Variants in RNF4 observed in about 807,000 individuals in gnomAD.
RNF4 encodes E3 ubiquitin-protein ligase RNF4.
RNF4 carries 7 observed loss-of-function variants against 24.3 expected under a neutral mutation model. The ratio of observed to expected loss-of-function variants is 0.29; its 90% confidence interval spans 0.16 to 0.54. The LOEUF (loss-of-function observed/expected upper bound fraction) is 0.54, where lower values mean the gene tolerates loss of function less well. Among genes scored for constraint, RNF4 ranks in the 20% least tolerant of loss-of-function variants. The probability of loss-of-function intolerance (pLI) is 0.95; values close to 1 mark genes in which losing one functional copy is unlikely to be tolerated. For missense variants in RNF4, 209 were observed against 248.5 expected, an observed-to-expected ratio of 0.84 and a Z score of 1.07; for synonymous variants, 83 against 84.3, an observed-to-expected ratio of 0.98 and a Z score of 0.09.
chr4:2,475,961 C>T (rs1409095191), intron 1 of RNF4, among the ~76,000 whole-genome samples: 2 of 152,176 alleles, frequency 1.3e-5, no homozygotes, highest in African/African-American at 4.8e-5. Flanking sequence ...GGTGGGAAAG[C>T]ACATGGCCAA....
intron 2 of RNF4, among the ~76,000 whole-genome samples, chr4:2,494,297 C>CTGCTG (rs888943669): frequency 2.0e-5 from 3 of 151,376 alleles, no homozygotes; most frequent in African/African-American, 7.3e-5. Flanking sequence ...GTTTACTCTG[C>CTGCTG]TGCTGTATCC....
chr4:2,502,394 CAG>C (rs1339612310), intron 4 of RNF4, among the ~76,000 whole-genome samples: 1 of 152,096 alleles, frequency 6.6e-6, no homozygotes, highest in African/African-American at 2.4e-5. Context: ...GCTTTAGAAA[CAG>C]GGTCTCAGGC....
At chr4:2,473,928 T>C (rs1189019228) in intron 1 of RNF4, among the ~76,000 whole-genome samples, 1 of 152,012 alleles carries the variant, frequency 6.6e-6, no homozygotes, top group Non-Finnish European at 1.5e-5. Context: ...AAAAATTAGC[T>C]GAGCGTGGTA....
chr4:2,491,546 G>A (rs1466063071), intron 2 of RNF4, among the ~76,000 whole-genome samples: 1 of 152,016 alleles, frequency 6.6e-6, no homozygotes, highest in African/African-American at 2.4e-5. Context: ...AGGTTCAAGC[G>A]ACTCTCCTGC....
chr4:2,494,762 A>C (rs1315447957), intron 2 of RNF4: 1 of 152,408 alleles, frequency 6.6e-6, no homozygotes, highest in Non-Finnish European at 1.5e-5. Flanking sequence ...GGTAAAAATA[A>C]CCTTTAAATA....
rs1560395744 is a variant in RNF4, at chr4:2,469,184, T to TCCG, written c.-231_-229dup. The TCCG allele has an allele frequency of 6.6e-6, 1 of 152,198 alleles. No individual in the cohort carries two copies. The highest frequency in any genetic ancestry group is 2.4e-5 in the African/African-American group (1 of 41,448). The allele number at this position is 152,198 out of a possible 1,614,324, so 9.4% of individuals were successfully genotyped here. A position where few individuals can be genotyped will look rare whatever the true frequency, so the allele number is the denominator to read the frequency against. On this transcript the variant is annotated 5_prime_UTR_variant, in exon 1 of 8. Transcript: ENST00000314289. ...GGGCGGCTGAAGAAGGAGCTTCTTC[T>TCCG]CCGGAGTGCGCCGGCGGTGGCGCCT...
Position 2,490,404 on chromosome 4 carries a change from C to T in RNF4, c.-90C>T. On this transcript the variant is annotated 5_prime_UTR_variant, in exon 2 of 8. Coordinates refer to ENST00000314289, the MANE Select transcript of RNF4 (RefSeq NM_002938.5). The stretch of plus-strand genomic sequence containing the variant: ...GCAAGCCAGATGAGTAACCAGAGGG[C>T]ATGAAAGGTTGAGAACATTTGACTT... The T allele has an allele frequency of 1.5e-6, 2 of 1,306,942 alleles. No individual in the cohort carries two copies. Among genetic ancestry groups the T allele is most frequent in the Non-Finnish European group, 2.2e-6 (2 of 921,258 alleles). 81.0% of individuals were successfully genotyped at this position (1,306,942 alleles called of 1,614,324 possible).
At chr4:2,500,156 C>CAA (rs5855735) in intron 3 of RNF4, among the ~76,000 whole-genome samples, 60 of 76,900 alleles carry the variant, frequency 7.8e-4, no homozygotes, top group African/African-American at 7.5e-4. Flanking sequence ...GACTCTGTCT[C>CAA]AAAAAAAAAA....
intron 1 of RNF4, among the ~76,000 whole-genome samples, chr4:2,472,733 A>AT (rs1271260590): frequency 6.6e-6 from 1 of 152,104 alleles, no homozygotes; most frequent in African/African-American, 2.4e-5. Context: ...AGGATATACT[A>AT]TTCTAGATAC....
chr4:2,494,262 G>C (rs1460809375), intron 2 of RNF4, among the ~76,000 whole-genome samples: 1 of 152,070 alleles, frequency 6.6e-6, no homozygotes, highest in East Asian at 1.9e-4. Flanking sequence ...GAATAAAGGA[G>C]ACAGGGTTAT....
intron 1 of RNF4, among the ~76,000 whole-genome samples, chr4:2,472,165 C>T (rs994944049): frequency 1.4e-4 from 22 of 152,176 alleles, no homozygotes; most frequent in African/African-American, 3.9e-4. Flanking sequence ...ATTTACCATT[C>T]TGAAAATCCT....
chr4:2,476,789 A>T (rs1318981212), intron 1 of RNF4, among the ~76,000 whole-genome samples: 1 of 148,812 alleles, frequency 6.7e-6, no homozygotes, highest in African/African-American at 2.5e-5. Flanking sequence ...AGGTGCAATT[A>T]TATAGCACAG....
At position 2,513,086 on chromosome 4, in the gene RNF4, C is replaced by T. The variant is rs1578529020; in HGVS notation, c.378C>T (p.Pro126=). Residue 126 remains proline, a synonymous_variant, in exon 7 of 8, where the codon CCC becomes CCT. Transcript: ENST00000314289. ...ACGTGAAGCACTGTGCTCTTAGGCC[C>T]TCAGGTACTGTCAGTTGTCCCATCT... ...ARDEGATGLR[P]SGTVSCPICM... 1.2e-6 allele frequency: 2 copies of T among 1,613,826 alleles called. No individual in the cohort carries two copies. Among genetic ancestry groups the T allele is most frequent in the Non-Finnish European group, 1.7e-6 (2 of 1,179,756 alleles).
chr4:2,472,582 C>T (rs1474759347), intron 1 of RNF4, among the ~76,000 whole-genome samples: 1 of 145,476 alleles, frequency 6.9e-6, no homozygotes, highest in African/African-American at 2.6e-5. Context: ...TGAGACCACC[C>T]CCTCCACTGC....
At chr4:2,500,409 A>G (rs1735873826) in intron 3 of RNF4, among the ~76,000 whole-genome samples, 1 of 152,128 alleles carries the variant, frequency 6.6e-6, no homozygotes. Flanking sequence ...GCACATGCGC[A>G]CACATACATA....
intron 1 of RNF4, among the ~76,000 whole-genome samples, chr4:2,478,372 C>A (rs115573056): frequency 6.6e-6 from 1 of 152,198 alleles, no homozygotes; most frequent in Non-Finnish European, 1.5e-5. Flanking sequence ...GGGAGCCAAA[C>A]GTTAATCCCC....
At chr4:2,474,649 G>A (rs1439047344) in intron 1 of RNF4, among the ~76,000 whole-genome samples, 3 of 152,212 alleles carry the variant, frequency 2.0e-5, no homozygotes, top group Admixed American at 2.0e-4. Flanking sequence ...TGGGTAAAAT[G>A]CTGTCACACA....
intron 3 of RNF4, among the ~76,000 whole-genome samples, chr4:2,500,020 T>G (rs929799555): frequency 6.6e-6 from 1 of 152,042 alleles, no homozygotes; most frequent in Non-Finnish European, 1.5e-5. Context: ...TAGCCAGGCA[T>G]GCTGCCAGGC....
intron 1 of RNF4, among the ~76,000 whole-genome samples, chr4:2,478,349 T>G (rs1172094651): frequency 6.6e-6 from 1 of 152,228 alleles, no homozygotes; most frequent in Non-Finnish European, 1.5e-5. Context: ...TGCAGAGATT[T>G]GCATAAGTAA....
Sources: allele counts gnomAD v4.1 joint callset (sites outside exome capture counted in the v4.1 genomes callset), GRCh38; gene constraint gnomAD v4.1.1; transcripts MANE v1.5; gene names NCBI Gene and HGNC (gene_info 2026-07-23, HGNC 2026-07-21).